EXOC4: variants seen among roughly 807,000 people sequenced by gnomAD.
EXOC4 encodes the protein exocyst complex component 4.
In EXOC4, 71 loss-of-function variants were observed where a neutral mutation model predicts 107.2. That is an observed-to-expected ratio of 0.66 (90% CI 0.55 to 0.81). The LOEUF (loss-of-function observed/expected upper bound fraction) is 0.81, where lower values mean the gene tolerates loss of function less well. EXOC4 is among the 30% of genes least tolerant of loss of function. The pLI, the probability that EXOC4 is intolerant of heterozygous loss-of-function variation, is 0.00. For missense variants in EXOC4, 1,108 were observed against 1,189.6 expected (o/e 0.93, Z 1.01); for synonymous variants, 456 against 441.2 (o/e 1.03, Z -0.42).
At chr7:133,672,280 A>G (rs1389803011) in intron 10 of EXOC4, among the ~76,000 whole-genome samples, 1 of 151,478 alleles carries the variant, frequency 6.6e-6, no homozygotes, top group East Asian at 1.9e-4. Flanking sequence ...AGTCCCAGCT[A>G]CTCGGGAGGC....
At chr7:133,553,206 A>C (rs1177767793) in intron 9 of EXOC4, among the ~76,000 whole-genome samples, 1 of 152,212 alleles carries the variant, frequency 6.6e-6, no homozygotes, top group Non-Finnish European at 1.5e-5. Context: ...TGTGATATAC[A>C]TATAAAGGGT....
intron 10 of EXOC4, among the ~76,000 whole-genome samples, chr7:133,730,860 A>C (rs940210980): frequency 6.6e-6 from 1 of 152,138 alleles, no homozygotes; most frequent in Admixed American, 6.6e-5. Flanking sequence ...CACTTTGGTA[A>C]TTTTTTGGTG....
chr7:133,763,566 A>T (rs2151154350), intron 10 of EXOC4, among the ~76,000 whole-genome samples: 1 of 152,120 alleles, frequency 6.6e-6, no homozygotes, highest in East Asian at 1.9e-4. Flanking sequence ...TTGTTGGAAG[A>T]AGTAAATGAG....
chr7:133,829,582 A>G (rs1797768128), intron 11 of EXOC4, among the ~76,000 whole-genome samples: 1 of 152,218 alleles, frequency 6.6e-6, no homozygotes, highest in Non-Finnish European at 1.5e-5. Flanking sequence ...TTATTGTCCT[A>G]GTTGACCACA....
intron 11 of EXOC4, among the ~76,000 whole-genome samples, chr7:133,840,683 A>G (rs534080519): frequency 2.0e-5 from 3 of 151,650 alleles, no homozygotes; most frequent in Admixed American, 6.6e-5. Flanking sequence ...GAGTTTCACC[A>G]TGTTGGACAG....
intron 1 of EXOC4, 96 bp downstream of exon 1, chr7:133,253,283 C>CTT (rs1794934427): frequency 6.8e-7 from 1 of 1,461,676 alleles, no homozygotes; most frequent in Non-Finnish European, 9.1e-7. Context: ...ACCCTGCTCT[C>CTT]CCCTTTCCTC....
At chr7:133,567,053 C>T (rs1800920526) in intron 9 of EXOC4, among the ~76,000 whole-genome samples, 1 of 152,022 alleles carries the variant, frequency 6.6e-6, no homozygotes, top group Non-Finnish European at 1.5e-5. Context: ...CTTAAGAAAA[C>T]CAGCTTTATT....
intron 6 of EXOC4, among the ~76,000 whole-genome samples, chr7:133,366,090 G>C (rs538493682): frequency 2.0e-5 from 3 of 152,162 alleles, no homozygotes; most frequent in African/African-American, 7.2e-5. Flanking sequence ...GGCTGCAAAC[G>C]TGGGTTTTCC....
intron 10 of EXOC4, among the ~76,000 whole-genome samples, chr7:133,773,464 T>TTATTATTATTATTATTA (rs1796284998): frequency 2.7e-5 from 4 of 149,226 alleles, no homozygotes; most frequent in African/African-American, 9.9e-5. Context: ...TTACTAGGTT[T>TTATTATTATTATTATTA]TTATTATTAT....
At chr7:133,999,423 A>T (rs921468133) in intron 15 of EXOC4, among the ~76,000 whole-genome samples, 3 of 152,206 alleles carry the variant, frequency 2.0e-5, no homozygotes. Flanking sequence ...CAAGAGAAGT[A>T]ACATTGCAGA....
chr7:134,057,134 G>A (rs1795947007), intron 17 of EXOC4, among the ~76,000 whole-genome samples: 1 of 152,116 alleles, frequency 6.6e-6, no homozygotes, highest in Admixed American at 6.6e-5. Context: ...CATTGACAAA[G>A]GGTAGGTGCG....
At chr7:133,600,651 C>T (rs1801784862) in intron 9 of EXOC4, among the ~76,000 whole-genome samples, 1 of 151,972 alleles carries the variant, frequency 6.6e-6, no homozygotes, top group Non-Finnish European at 1.5e-5. Flanking sequence ...ATTCATAATT[C>T]AGAAAAGAAA....
intron 9 of EXOC4, among the ~76,000 whole-genome samples, chr7:133,593,817 A>G (rs1801604143): frequency 6.6e-6 from 1 of 152,234 alleles, no homozygotes; most frequent in Non-Finnish European, 1.5e-5. Context: ...AATAATATGC[A>G]AAATTATTAA....
intron 10 of EXOC4, among the ~76,000 whole-genome samples, chr7:133,641,630 A>G (rs1273214787): frequency 6.6e-6 from 1 of 152,186 alleles, no homozygotes; most frequent in African/African-American, 2.4e-5. Context: ...TGCTTTGCCA[A>G]CCACCTGAAG....
At chr7:133,956,353 A>G (rs1350607883) in intron 14 of EXOC4, among the ~76,000 whole-genome samples, 1 of 152,226 alleles carries the variant, frequency 6.6e-6, no homozygotes, top group African/African-American at 2.4e-5. Flanking sequence ...AAGCAGACTA[A>G]CAACAGTTCT....
intron 10 of EXOC4, among the ~76,000 whole-genome samples, chr7:133,677,237 A>T (rs1030490050): frequency 3.9e-5 from 6 of 152,132 alleles, no homozygotes; most frequent in Non-Finnish European, 8.8e-5. Context: ...GTTAAGATGT[A>T]TTGTTGTTTC....
At chr7:133,738,164 G>A (rs551970746) in intron 10 of EXOC4, among the ~76,000 whole-genome samples, 14 of 151,672 alleles carry the variant, frequency 9.2e-5, no homozygotes, top group Non-Finnish European at 1.8e-4. Context: ...CTCCTGCTTC[G>A]GCCTCCCAAA....
intron 9 of EXOC4, among the ~76,000 whole-genome samples, chr7:133,503,125 C>T (rs1799604858): frequency 6.6e-6 from 1 of 152,112 alleles, no homozygotes; most frequent in Non-Finnish European, 1.5e-5. Flanking sequence ...TAAGAGGAAA[C>T]ACAAGTGATC....
chr7:133,514,387 C>T (rs75004606), intron 9 of EXOC4, among the ~76,000 whole-genome samples: 9,510 of 152,224 alleles, frequency 0.062, 1,046 homozygotes, highest in African/African-American at 0.22. Context: ...TTGTCTCAAT[C>T]TGCTGACCTC....
Sources: allele counts gnomAD v4.1 joint callset (sites outside exome capture counted in the v4.1 genomes callset), GRCh38; gene constraint gnomAD v4.1.1; transcripts MANE v1.5; gene names NCBI Gene and HGNC (gene_info 2026-07-23, HGNC 2026-07-21).